Variants in TMEM167A observed in about 807,000 individuals in gnomAD.
The protein encoded by TMEM167A is protein kish-A.
Under a neutral mutation model 11.6 loss-of-function variants are expected in TMEM167A, and 8 were observed. The observed-to-expected ratio is 0.69, with a 90% confidence interval of 0.40 to 1.24. TMEM167A has a LOEUF of 1.24. Among genes scored for constraint, TMEM167A ranks in the 50% most tolerant of loss-of-function variants. The pLI is 0.01. For synonymous variants in TMEM167A, 22 were observed against 28.0 expected (o/e 0.79, Z 0.67); for missense variants, 62 against 87.0 (o/e 0.71, Z 1.14).
chr5:83,059,715 T>C (rs987354604), intron 3 of TMEM167A, among the ~76,000 whole-genome samples: 2 of 152,078 alleles, frequency 1.3e-5, no homozygotes, highest in Admixed American at 1.3e-4. Flanking sequence ...GTCTGCACCA[T>C]AAATTTCTGT....
Position 83,057,089 on chromosome 5 carries a change from G to T in TMEM167A, c.214C>A (p.Gln72Lys). The part of the protein sequence containing the change: ...IVMAFSILFI[Q>K] ...CATTCTGGCATTTTCCCCAGCTACT[G>T]TATGAAGAGGATGCTGAAGGCCATT... The change falls in exon 4 of 4, where the codon CAG (glutamine) becomes AAG (lysine). Residue 72 changes from glutamine to lysine, a missense_variant. By Grantham distance (53) the Gln-to-Lys change is moderately conservative. Transcript: ENST00000502346. 6.2e-7 allele frequency: 1 copy of T among 1,611,290 alleles called. No individual in the cohort carries two copies. The highest frequency in any genetic ancestry group is 8.5e-7 in the Non-Finnish European group (1 of 1,178,720).
At chr5:83,061,841 C>T (rs752923749) in intron 3 of TMEM167A, 36 bp downstream of exon 3, 19 of 1,582,200 alleles carry the variant, frequency 1.2e-5, no homozygotes, top group Non-Finnish European at 1.6e-5. Context: ...CAACAATTTA[C>T]AGCTGAAGAA....
chr5:83,062,091 A>G (rs1399960174), intron 2 of TMEM167A, 180 bp from the exon 3 acceptor site: 3 of 542,188 alleles, frequency 5.5e-6, no homozygotes, highest in African/African-American at 3.8e-5. Context: ...AGTAGGACAC[A>G]ATGACATATC....
intron 3 of TMEM167A, among the ~76,000 whole-genome samples, chr5:83,060,753 C>G (rs1220768758): frequency 6.6e-6 from 1 of 151,760 alleles, no homozygotes; most frequent in Non-Finnish European, 1.5e-5. Context: ...AACACTTGAA[C>G]CTGGGAGGCG....
intron 1 of TMEM167A, among the ~76,000 whole-genome samples, chr5:83,070,388 T>A (rs1056762549): frequency 3.3e-5 from 5 of 152,164 alleles, no homozygotes. Context: ...ATTGTAGACT[T>A]ATCTGACAAC....
At chr5:83,071,030 T>C (rs992784856) in intron 1 of TMEM167A, among the ~76,000 whole-genome samples, 2 of 152,004 alleles carry the variant, frequency 1.3e-5, no homozygotes, top group Admixed American at 1.3e-4. Context: ...GCAGAAGAAA[T>C]ATACACATCA....
chr5:83,068,592 C>G (rs1410868768), intron 1 of TMEM167A, among the ~76,000 whole-genome samples: 1 of 151,824 alleles, frequency 6.6e-6, no homozygotes, highest in Non-Finnish European at 1.5e-5. Context: ...CGGAGTCAAA[C>G]CTTGAAAGGG....
chr5:83,053,438 C>T lies in TMEM167A; in HGVS notation c.*3646G>A, dbSNP rs1450681862. On this transcript the variant is annotated 3_prime_UTR_variant, in exon 4 of 4. Transcript: ENST00000502346. ...TAGTCAGTTGCCTCCACCTTATATA[C>T]TATTCAGGCAAGTCTTCGGAAAGTA... 1 of 151,938 alleles carries T rather than the reference C, an allele frequency of 6.6e-6. No homozygotes were observed. Among genetic ancestry groups the T allele is most frequent in the African/African-American group, 2.4e-5 (1 of 41,394 alleles). The allele number at this position is 151,938 out of a possible 1,614,324, so 9.4% of individuals were successfully genotyped here. A position where few individuals can be genotyped will look rare whatever the true frequency, so the allele number is the denominator to read the frequency against.
intron 3 of TMEM167A, 102 bp from the exon 4 acceptor site, chr5:83,057,256 G>A (rs1468062479): frequency 2.7e-6 from 3 of 1,098,808 alleles, no homozygotes; most frequent in South Asian, 1.3e-5. Context: ...TCTTCCCTAG[G>A]AGGCCCGCAC....
chr5:83,057,136 T>A lies in TMEM167A; in HGVS notation c.167A>T (p.Tyr56Phe), dbSNP rs771209763. ...CARIGERKSP[Y>F]VAVCCIVMAF... ...CATTACTATACAGCATACTGCAACA[T>A]AAGGACTCTTCCGTTCACCTGTTGA... Residue 56 changes from tyrosine to phenylalanine, a missense_variant, in exon 4 of 4, where the codon TAT becomes TTT. Physicochemically the swap from Tyr to Phe is conservative, Grantham distance 22. Transcript: ENST00000502346. The A allele has an allele frequency of 1.2e-6, 2 of 1,612,166 alleles. No individual in the cohort carries two copies. The highest frequency in any genetic ancestry group is 1.7e-6 in the Non-Finnish European group (2 of 1,178,866).
chr5:83,065,574 T>C (rs1424185542), intron 1 of TMEM167A, among the ~76,000 whole-genome samples: 4 of 152,022 alleles, frequency 2.6e-5, no homozygotes, highest in Non-Finnish European at 5.9e-5. Context: ...AAATCCAAAA[T>C]GTTCCAAAAT....
chr5:83,057,861 T>C (rs753393095), intron 3 of TMEM167A, among the ~76,000 whole-genome samples: 7 of 152,102 alleles, frequency 4.6e-5, no homozygotes, highest in Non-Finnish European at 7.4e-5. Context: ...GGCTTGTGAA[T>C]TGTCTCGCAA....
intron 1 of TMEM167A, among the ~76,000 whole-genome samples, chr5:83,072,136 G>C (rs948362787): frequency 2.0e-5 from 3 of 152,112 alleles, no homozygotes; most frequent in Non-Finnish European, 4.4e-5. Flanking sequence ...TCATTATCAT[G>C]GTACCTACAA....
At chr5:83,060,816 G>A (rs867826208) in intron 3 of TMEM167A, among the ~76,000 whole-genome samples, 3 of 146,630 alleles carry the variant, frequency 2.0e-5, no homozygotes, top group African/African-American at 7.4e-5. Flanking sequence ...GGGCAACACT[G>A]CAAGACTCCA....
In TMEM167A at chr5:83,055,282, C is replaced by T. The variant is rs967859596; in HGVS notation, c.*1802G>A. On this transcript the variant is annotated 3_prime_UTR_variant, in exon 4 of 4. Transcript: ENST00000502346. ...AGAATATTCTTCCTCTTTTCATATT[C>T]GATTTGTCTTAGCATATAAAAAATT... is the stretch of plus-strand genomic sequence containing the variant. 3 of 151,900 alleles carry T rather than the reference C, an allele frequency of 2.0e-5. No individual in the cohort carries two copies. The highest frequency in any genetic ancestry group is 2.9e-5 in the Non-Finnish European group (2 of 67,948). 9.4% of individuals were successfully genotyped at this position (151,900 alleles called of 1,614,324 possible). A position where few individuals can be genotyped will look rare whatever the true frequency, so the allele number is the denominator to read the frequency against.
At chr5:83,072,609 A>G (rs1268915206) in intron 1 of TMEM167A, among the ~76,000 whole-genome samples, 1 of 151,850 alleles carries the variant, frequency 6.6e-6, no homozygotes, top group African/African-American at 2.4e-5. Context: ...GCTCATTGCA[A>G]CCTCCACCCC....
chr5:83,077,222 G>C, intron 1 of TMEM167A, 99 bp downstream of exon 1: 1 of 1,574,076 alleles, frequency 6.4e-7, no homozygotes, highest in Non-Finnish European at 8.7e-7. Context: ...CTCAGCTCCG[G>C]GCCCACACAC....
At chr5:83,061,623 G>A (rs1744407917) in intron 3 of TMEM167A, among the ~76,000 whole-genome samples, 2 of 152,162 alleles carry the variant, frequency 1.3e-5, no homozygotes, top group South Asian at 4.1e-4. Flanking sequence ...TCAAACTCCT[G>A]ACCTCAGGTA....
At chr5:83,062,675 A>AT (rs1258724948) in intron 2 of TMEM167A, among the ~76,000 whole-genome samples, 1 of 152,056 alleles carries the variant, frequency 6.6e-6, no homozygotes, top group Admixed American at 6.6e-5. Flanking sequence ...ATGAATAGAG[A>AT]TATCTTAAAA....
Sources: allele counts gnomAD v4.1 joint callset (sites outside exome capture counted in the v4.1 genomes callset), GRCh38; gene constraint gnomAD v4.1.1; transcripts MANE v1.5; gene names NCBI Gene and HGNC (gene_info 2026-07-23, HGNC 2026-07-21).